WAC: variants seen among roughly 807,000 people sequenced by gnomAD.
WAC encodes the protein WW domain containing adaptor with coiled-coil, also known as WW domain-containing adapter protein with coiled-coil.
Under a neutral mutation model 79.6 loss-of-function variants are expected in WAC, and 11 were observed. That is an observed-to-expected ratio of 0.14 (90% CI 0.09 to 0.23). The LOEUF (loss-of-function observed/expected upper bound fraction) is 0.23. Ranked by LOEUF, WAC falls within the 10% of genes least tolerant of loss-of-function variation. The pLI is 1.00. For synonymous variants in WAC, 304 were observed against 276.9 expected, an observed-to-expected ratio of 1.10 and a Z score of -0.97; for missense variants, 728 against 773.5, an observed-to-expected ratio of 0.94 and a Z score of 0.70.
intron 8 of WAC, among the ~76,000 whole-genome samples, chr10:28,608,831 T>C (rs962006415): frequency 6.6e-6 from 1 of 152,194 alleles, no homozygotes; most frequent in Non-Finnish European, 1.5e-5. Context: ...ATTTAAAATA[T>C]GCTAATTACT....
intron 3 of WAC, among the ~76,000 whole-genome samples, chr10:28,560,963 A>G (rs956904272): frequency 6.6e-6 from 1 of 152,210 alleles, no homozygotes; most frequent in Non-Finnish European, 1.5e-5. Flanking sequence ...AAGGAGTGGC[A>G]TGTGAGGTAG....
At chr10:28,574,443 C>T (rs114506691) in intron 3 of WAC, among the ~76,000 whole-genome samples, 6 of 152,044 alleles carry the variant, frequency 3.9e-5, no homozygotes, top group South Asian at 2.1e-4. Context: ...CCAGTGTGCA[C>T]GGCCTGTTGC....
At chr10:28,596,718 G>A (rs1018186815) in intron 7 of WAC, among the ~76,000 whole-genome samples, 25 of 152,170 alleles carry the variant, frequency 1.6e-4, no homozygotes, top group African/African-American at 6.0e-4. Context: ...TTCATAGTAT[G>A]TTTTAAGAAT....
chr10:28,555,704 G>A (rs1837943339), intron 3 of WAC, among the ~76,000 whole-genome samples: 4 of 152,112 alleles, frequency 2.6e-5, no homozygotes, highest in Non-Finnish European at 4.4e-5. Flanking sequence ...TATATTGATC[G>A]TATTTGGAGG....
At chr10:28,580,618 G>T (rs752934366) in intron 3 of WAC, among the ~76,000 whole-genome samples, 1 of 151,964 alleles carries the variant, frequency 6.6e-6, no homozygotes, top group African/African-American at 2.4e-5. Context: ...CATTACTGTC[G>T]ACAAACTTAA....
At chr10:28,533,968 AT>A (rs1326754516) in intron 1 of WAC, 29 bp from the exon 2 acceptor site, 1 of 1,604,778 alleles carries the variant, frequency 6.2e-7, no homozygotes, top group African/African-American at 1.4e-5. Context: ...GCCGTGTCTT[AT>A]GTCGCTGCCT....
intron 3 of WAC, among the ~76,000 whole-genome samples, chr10:28,563,469 T>C (rs1351326336): frequency 1.3e-5 from 2 of 152,252 alleles, no homozygotes; most frequent in Non-Finnish European, 2.9e-5. Flanking sequence ...TTTTATAGTA[T>C]ATTTTGACAT....
chr10:28,603,795 G>A (rs1840754424), intron 7 of WAC, among the ~76,000 whole-genome samples: 2 of 151,024 alleles, frequency 1.3e-5, no homozygotes, highest in South Asian at 4.2e-4. Context: ...TTAGCCGGTC[G>A]AGGTGGCAGG....
chr10:28,568,707 C>G (rs965521741), intron 3 of WAC, among the ~76,000 whole-genome samples: 1 of 152,120 alleles, frequency 6.6e-6, no homozygotes. Context: ...CCACACCCCA[C>G]GACAGGCCCT....
chr10:28,564,603 A>G (rs912509833), intron 3 of WAC, among the ~76,000 whole-genome samples: 1 of 152,234 alleles, frequency 6.6e-6, no homozygotes, highest in Admixed American at 6.5e-5. Flanking sequence ...GAATAGACAT[A>G]AAGGTTATAC....
chr10:28,619,457 A>G (rs1384812428), intron 13 of WAC, 80 bp from the exon 14 acceptor site: 1 of 1,085,812 alleles, frequency 9.2e-7, no homozygotes, highest in African/African-American at 1.7e-5. Flanking sequence ...TTAATTTAAA[A>G]AATTTTAATT....
chr10:28,581,328 T>TC (rs1839525703), intron 3 of WAC, among the ~76,000 whole-genome samples: 1 of 140,188 alleles, frequency 7.1e-6, no homozygotes, highest in Non-Finnish European at 1.5e-5. Flanking sequence ...CTCAAGGGAT[T>TC]CCCCTGCCTC....
chr10:28,585,401 T>C (rs981241285), intron 4 of WAC, among the ~76,000 whole-genome samples: 2 of 152,090 alleles, frequency 1.3e-5, no homozygotes, highest in South Asian at 4.2e-4. Flanking sequence ...TCTGGCTAAA[T>C]AGAGAGTAAT....
chr10:28,577,722 T>C (rs1050584603), intron 3 of WAC, among the ~76,000 whole-genome samples: 1 of 152,152 alleles, frequency 6.6e-6, no homozygotes, highest in Non-Finnish European at 1.5e-5. Context: ...GGTATGATCA[T>C]CAGTTTATTT....
rs187957867 is a variant in WAC, at chr10:28,619,104, C to T, written c.1875-433C>T. Among the ~76,000 whole-genome samples, 86 of 152,286 alleles carry T rather than the reference C, an allele frequency of 5.6e-4. 1 individual carries two copies. In the East Asian group the frequency reaches 0.015, roughly 27 times the overall value. On this transcript the variant is annotated intron_variant, in intron 13 of 13. Transcript: ENST00000354911. ...GACCAGCCTGGCCAACATGGCAAAACCCTGTCTCTACTAAAAATATAAAAA... is the reference window on the plus strand; with the variant it reads ...GACCAGCCTGGCCAACATGGCAAAATCCTGTCTCTACTAAAAATATAAAAA...
intron 7 of WAC, among the ~76,000 whole-genome samples, chr10:28,600,981 C>CTTA (rs1840615635): frequency 6.6e-6 from 1 of 151,310 alleles, no homozygotes; most frequent in African/African-American, 2.4e-5. Flanking sequence ...AGAACTAAAA[C>CTTA]ACCGAGGCTC....
chr10:28,571,042 G>A (rs140465139), intron 3 of WAC, among the ~76,000 whole-genome samples: 4 of 129,384 alleles, frequency 3.1e-5, no homozygotes, highest in African/African-American at 2.9e-5. Context: ...CTGCAACCTC[G>A]GCCTCCTGGG....
intron 6 of WAC, among the ~76,000 whole-genome samples, chr10:28,594,642 T>G (rs972686245): frequency 2.6e-5 from 4 of 152,198 alleles, no homozygotes; most frequent in African/African-American, 9.6e-5. Flanking sequence ...TGAAACTGAC[T>G]TCTAGTTTGA....
chr10:28,612,244 C>T (rs1024122944), intron 10 of WAC, among the ~76,000 whole-genome samples: 28 of 152,162 alleles, frequency 1.8e-4, no homozygotes, highest in African/African-American at 6.5e-4. Flanking sequence ...CATGAATGAA[C>T]ATGTTTTCCA....
Sources: gnomAD v4.1 joint callset for allele counts (sites outside exome capture counted in the v4.1 genomes callset) on GRCh38, gnomAD v4.1.1 for gene constraint, MANE v1.5 for transcripts, NCBI Gene and HGNC (gene_info 2026-07-23, HGNC 2026-07-21) for gene names.